The following PLCH1 variants were observed in gnomAD, a reference collection of about 807,000 sequenced individuals.
PLCH1 encodes 1-phosphatidylinositol 4,5-bisphosphate phosphodiesterase eta-1.
PLCH1 carries 60 observed loss-of-function variants against 126.7 expected under a neutral mutation model. The observed-to-expected ratio is 0.47, with a 90% CI of 0.38 to 0.59. The LOEUF (loss-of-function observed/expected upper bound fraction) is 0.59. PLCH1 is among the 20% of genes least tolerant of loss of function. The pLI is 0.00. For missense variants in PLCH1, 1,723 were observed against 2,040.0 expected (o/e 0.84, Z 2.99); for synonymous variants, 719 against 734.9 (o/e 0.98, Z 0.35).
chr3:155,584,681 C>T (rs1261970938), intron 5 of PLCH1, among the ~76,000 whole-genome samples: 3 of 152,182 alleles, frequency 2.0e-5, no homozygotes, highest in South Asian at 4.1e-4. Context: ...TTGTGAAGTA[C>T]ACTCAACTGT....
intron 2 of PLCH1, among the ~76,000 whole-genome samples, chr3:155,690,802 C>T (rs1745323477): frequency 6.6e-6 from 1 of 152,208 alleles, no homozygotes; most frequent in Non-Finnish European, 1.5e-5. Flanking sequence ...AATACCCAAG[C>T]CCGGTGGTCT....
intron 11 of PLCH1, among the ~76,000 whole-genome samples, chr3:155,516,042 T>C (rs970293368): frequency 1.1e-4 from 16 of 152,228 alleles, no homozygotes; most frequent in African/African-American, 3.9e-4. Flanking sequence ...TTATTGAATT[T>C]CCCTGTATCA....
At chr3:155,744,260 C>T (rs968997902) in intron 1 of PLCH1, among the ~76,000 whole-genome samples, 1 of 152,202 alleles carries the variant, frequency 6.6e-6, no homozygotes, top group African/African-American at 2.4e-5. Flanking sequence ...TTGCCTCCAC[C>T]ACCCCGCGCC....
intron 2 of PLCH1, among the ~76,000 whole-genome samples, chr3:155,643,566 T>C (rs558213125): frequency 2.6e-5 from 4 of 152,232 alleles, no homozygotes; most frequent in Non-Finnish European, 4.4e-5. Context: ...TCTGCTGGCA[T>C]TGGCATTAAC....
intron 5 of PLCH1, among the ~76,000 whole-genome samples, chr3:155,585,428 A>T (rs1731230978): frequency 6.6e-6 from 1 of 152,202 alleles, no homozygotes; most frequent in Admixed American, 6.5e-5. Flanking sequence ...ATAGCCTAAC[A>T]TTGTCTTTGC....
At chr3:155,500,581 G>T in intron 14 of PLCH1, 122 bp downstream of exon 14, 2 of 656,066 alleles carry the variant, frequency 3.0e-6, no homozygotes, top group South Asian at 3.8e-5. Flanking sequence ...TCACATGTTC[G>T]ACAGCACAGA....
rs370772741 is a variant in PLCH1 at position 155,554,058 on chromosome 3, A to G, written c.1190+18T>C. 3.2e-5 allele frequency: 51 copies of G among 1,612,214 alleles called. No individual in the cohort carries two copies. The highest frequency in any genetic ancestry group is 4.0e-5 in the Non-Finnish European group (47 of 1,178,994). On this transcript the variant is annotated intron_variant, in intron 9 of 22. Transcript: ENST00000460012. ...TGCGGGAGGCTACCGCTTAGCTCACAGGTGCTGCTTTACTTACTCATTCTT... is the reference window on the plus strand; with the variant it reads ...TGCGGGAGGCTACCGCTTAGCTCACGGGTGCTGCTTTACTTACTCATTCTT...
chr3:155,517,617 G>C (rs1442759959), intron 11 of PLCH1, among the ~76,000 whole-genome samples: 1 of 152,026 alleles, frequency 6.6e-6, no homozygotes, highest in Admixed American at 6.6e-5. Flanking sequence ...CTTCTTATGA[G>C]GACATTGTCA....
intron 21 of PLCH1, among the ~76,000 whole-genome samples, chr3:155,458,380 AAGAAAGAAGG>A (rs1346656638): frequency 1.3e-4 from 14 of 108,238 alleles, no homozygotes. Context: ...GAAAGAAAGA[AAGAAAGAAGG>A]AAGGAAGGAA....
At chr3:155,622,979 C>A (rs186366597) in intron 2 of PLCH1, among the ~76,000 whole-genome samples, 2 of 152,146 alleles carry the variant, frequency 1.3e-5, no homozygotes, top group African/African-American at 2.4e-5. Flanking sequence ...AGGAACACAT[C>A]GCACTTATTC....
At chr3:155,485,741 A>C in intron 21 of PLCH1, 31 bp from the exon 22 acceptor site, 1 of 1,374,022 alleles carries the variant, frequency 7.3e-7, no homozygotes. Context: ...ACCACAAGTT[A>C]AGCAAATGCC....
chr3:155,607,779 T>C (rs918008005), intron 2 of PLCH1, among the ~76,000 whole-genome samples: 4 of 152,026 alleles, frequency 2.6e-5, no homozygotes, highest in Admixed American at 2.6e-4. Flanking sequence ...ATATAGGCAT[T>C]TGGGAAGAAA....
chr3:155,740,553 T>TA (rs1749545964), intron 1 of PLCH1, among the ~76,000 whole-genome samples: 2 of 151,996 alleles, frequency 1.3e-5, no homozygotes, highest in Admixed American at 6.6e-5. Flanking sequence ...ATAGCAAATC[T>TA]AGGGCAAGGA....
intron 21 of PLCH1, among the ~76,000 whole-genome samples, chr3:155,451,468 T>G (rs916243028): frequency 1.3e-5 from 2 of 152,198 alleles, no homozygotes; most frequent in African/African-American, 4.8e-5. Context: ...ATGGTTCATT[T>G]TATGTGTCAA....
intron 2 of PLCH1, among the ~76,000 whole-genome samples, chr3:155,662,700 T>C (rs558080717): frequency 2.6e-5 from 4 of 152,272 alleles, no homozygotes; most frequent in Non-Finnish European, 4.4e-5. Flanking sequence ...AGTCTCACTC[T>C]GTCGTCCTGA....
intron 7 of PLCH1, among the ~76,000 whole-genome samples, chr3:155,567,139 C>G (rs1332512447): frequency 1.3e-5 from 2 of 152,136 alleles, no homozygotes; most frequent in African/African-American, 4.8e-5. Flanking sequence ...GTGGCACGGT[C>G]TCGGCTCACT....
At chr3:155,454,009 T>C (rs893053680) in intron 21 of PLCH1, among the ~76,000 whole-genome samples, 7 of 152,024 alleles carry the variant, frequency 4.6e-5, no homozygotes, top group Middle Eastern at 3.2e-3. Flanking sequence ...GGTTATACAA[T>C]AATTAAATGG....
chr3:155,667,016 G>C (rs1742806465), intron 2 of PLCH1, among the ~76,000 whole-genome samples: 1 of 151,992 alleles, frequency 6.6e-6, no homozygotes, highest in South Asian at 2.1e-4. Context: ...AAAGGCCTAT[G>C]TACCAAGCAC....
chr3:155,478,053 G>C (rs1713620283), downstream of PLCH1, among the ~76,000 whole-genome samples: 1 of 152,012 alleles, frequency 6.6e-6, no homozygotes, highest in Non-Finnish European at 1.5e-5. Flanking sequence ...ACACAATGGA[G>C]TACTATTCAG....
Sources: gnomAD v4.1 joint callset for allele counts (sites outside exome capture counted in the v4.1 genomes callset) on GRCh38, gnomAD v4.1.1 for gene constraint, MANE v1.5 for transcripts, NCBI Gene and HGNC (gene_info 2026-07-23, HGNC 2026-07-21) for gene names.